The following MIGA2 variants were observed in gnomAD, a reference collection of about 807,000 sequenced individuals.
MIGA2 encodes family with sequence similarity 73, member B.
Under a neutral mutation model 69.9 loss-of-function variants are expected in MIGA2, and 36 were observed. That is an observed-to-expected ratio of 0.52 (90% confidence interval 0.39 to 0.68). MIGA2 has a LOEUF of 0.68. Ranked by LOEUF, MIGA2 falls within the 30% of genes least tolerant of loss-of-function variation. MIGA2 has a pLI of 0.00. For missense variants in MIGA2, 660 were observed against 787.7 expected (o/e 0.84, Z 1.94); for synonymous variants, 333 against 349.2 (o/e 0.95, Z 0.52).
chr9:129,055,446 C>T (rs191308322), intron 6 of MIGA2, among the ~76,000 whole-genome samples: 6 of 152,170 alleles, frequency 3.9e-5, no homozygotes, highest in Non-Finnish European at 5.9e-5. Flanking sequence ...GTATTTGTGA[C>T]GTATCTTTTT....
At chr9:129,041,644 C>T (rs114400768) in intron 2 of MIGA2, among the ~76,000 whole-genome samples, 218 of 152,324 alleles carry the variant, frequency 1.4e-3, no homozygotes, top group African/African-American at 5.0e-3. Flanking sequence ...CCTATATGAA[C>T]TCTTGACCTC....
chr9:129,057,635 C>T (rs989162450), intron 6 of MIGA2, among the ~76,000 whole-genome samples: 7 of 151,666 alleles, frequency 4.6e-5, no homozygotes, highest in African/African-American at 9.7e-5. Flanking sequence ...GACAGAGTCT[C>T]GCTCTGTCAC....
At chr9:129,054,639 T>G (rs1409472221) in intron 6 of MIGA2, among the ~76,000 whole-genome samples, 1 of 152,254 alleles carries the variant, frequency 6.6e-6, no homozygotes, top group Non-Finnish European at 1.5e-5. Context: ...GACTGCCTCC[T>G]TTCACATAGC....
At chr9:129,050,178 C>T (rs559049034) in intron 6 of MIGA2, among the ~76,000 whole-genome samples, 5 of 152,354 alleles carry the variant, frequency 3.3e-5, no homozygotes, top group East Asian at 3.9e-4. Flanking sequence ...GACTCACACC[C>T]GCCTCGACCC....
At chr9:129,042,050 G>T in intron 2 of MIGA2, 1 of 525,136 alleles carries the variant, frequency 1.9e-6, no homozygotes, top group Non-Finnish European at 3.6e-6. Context: ...GTGTGCTCAT[G>T]ACTGAGGGTG....
At chr9:129,045,677 G>A (rs1326391826) in intron 3 of MIGA2, among the ~76,000 whole-genome samples, 1 of 151,896 alleles carries the variant, frequency 6.6e-6, no homozygotes, top group Non-Finnish European at 1.5e-5. Context: ...AATTTGGGAG[G>A]CAGGAGGATT....
Position 129,068,334 on chromosome 9 carries a change from TG to T in MIGA2, c.1404+5del. The T allele has an allele frequency of 6.2e-7, 1 of 1,602,366 alleles. No individual in the cohort carries two copies. ...CTGTCAGACAGCTTCAAGGAGACGG[TG>T]GGTCACTGCCCTGCTCTCAGACCCA... On this transcript the variant is annotated splice_donor_region_variant and intron_variant, in intron 13 of 15. Coordinates refer to ENST00000684074, the MANE Select transcript of MIGA2 (RefSeq NM_001329990.2). This position sits in a 1 kb window ranked among gnomAD's most constrained non-coding sequence, Gnocchi z 4.1.
intron 1 of MIGA2, among the ~76,000 whole-genome samples, chr9:129,039,181 G>GTGTGTA (rs1210634941): frequency 7.1e-5 from 8 of 113,214 alleles, no homozygotes; most frequent in African/African-American, 3.2e-4. Context: ...TTGTTTGTGT[G>GTGTGTA]TGTGTGTGTG....
intron 2 of MIGA2, chr9:129,042,037 C>T (rs909734528): frequency 5.9e-5 from 29 of 493,972 alleles, no homozygotes; most frequent in African/African-American, 5.4e-4. Context: ...TTCACTGCGG[C>T]TTGTGTGCTC....
At position 129,061,202 on chromosome 9, in the gene MIGA2, C is replaced by G. The variant is rs770296291; in HGVS notation, c.895-29C>G. The G allele has an allele frequency of 3.8e-6, 6 of 1,587,812 alleles. No individual in the cohort carries two copies. The highest frequency in any genetic ancestry group is 3.4e-6 in the Non-Finnish European group (4 of 1,163,528). On this transcript the variant is annotated intron_variant, in intron 8 of 15. Coordinates refer to ENST00000684074, the MANE Select transcript of MIGA2 (RefSeq NM_001329990.2). This position sits in a 1 kb window ranked among gnomAD's most constrained non-coding sequence, Gnocchi z 5.0. ...TGGCGTGCTGCTCACATGGGCTTCC[C>G]TGGTCTCTTCCTCTGCACCCTCTCC... is the stretch of plus-strand genomic sequence containing the variant.
At chr9:129,044,919 G>A (rs1445679225) in intron 3 of MIGA2, among the ~76,000 whole-genome samples, 1 of 148,106 alleles carries the variant, frequency 6.8e-6, no homozygotes, top group Non-Finnish European at 1.5e-5. Flanking sequence ...CAAAAGTAAG[G>A]CCAGGCGCGG....
chr9:129,042,564 G>T (rs1315338293), intron 3 of MIGA2, 50 bp downstream of exon 3: 3 of 1,513,660 alleles, frequency 2.0e-6, no homozygotes, highest in Non-Finnish European at 2.7e-6. Flanking sequence ...ACATCCTGGG[G>T]TCATATCCCA....
intron 6 of MIGA2, among the ~76,000 whole-genome samples, chr9:129,052,903 G>T (rs2131365130): frequency 6.6e-6 from 1 of 152,310 alleles, no homozygotes; most frequent in Middle Eastern, 3.4e-3. Flanking sequence ...CTGCGAGTCG[G>T]CAGGGAACGG....
Position 129,061,328 on chromosome 9 carries a change from T to G in MIGA2, c.992T>G (p.Val331Gly). ...EALQLVKEGRVPCRTLRTELL... is the reference protein window; with the variant it reads ...EALQLVKEGRGPCRTLRTELL... Reference sequence around the variant, plus strand: ...CTGCAGCTGGTGAAGGAGGGGAGAGTGCCTTGCCGGACCCTCAGGTGAGCA... The same window carrying G: ...CTGCAGCTGGTGAAGGAGGGGAGAGGGCCTTGCCGGACCCTCAGGTGAGCA... The change falls in exon 9 of 16, where the codon GTG (valine) becomes GGG (glycine). Residue 331 changes from valine (V) to glycine (G), a missense_variant. Val to Gly is a moderately radical substitution (Grantham distance 109, BLOSUM62 -3). Coordinates refer to ENST00000684074, the MANE Select transcript of MIGA2 (RefSeq NM_001329990.2). This position sits in a 1 kb window ranked among gnomAD's most constrained non-coding sequence, Gnocchi z 5.0. The G allele has an allele frequency of 1.4e-6, 2 of 1,455,426 alleles. No individual in the cohort carries two copies. Among genetic ancestry groups the G allele is most frequent in the African/African-American group, 1.5e-5 (1 of 68,846 alleles). 90.2% of individuals were successfully genotyped at this position (1,455,426 alleles called of 1,614,324 possible). A position where few individuals can be genotyped will look rare whatever the true frequency, so the allele number is the denominator to read the frequency against.
At chr9:129,039,366 C>T (rs1844777542) in intron 1 of MIGA2, among the ~76,000 whole-genome samples, 1 of 151,852 alleles carries the variant, frequency 6.6e-6, no homozygotes, top group Admixed American at 6.6e-5. Context: ...CTGCCTCAGC[C>T]TTCCGCGTAG....
At chr9:129,047,742 A>G (rs374421492) in intron 3 of MIGA2, among the ~76,000 whole-genome samples, 10 of 151,662 alleles carry the variant, frequency 6.6e-5, no homozygotes, top group Admixed American at 3.3e-4. Context: ...ATATGTATAT[A>G]TATTTGAGAC....
chr9:129,046,964 T>C (rs4568698), intron 3 of MIGA2: 22,873 of 150,408 alleles, frequency 0.15, 3,140 homozygotes, highest in African/African-American at 0.35. Flanking sequence ...TTTTTAGTAG[T>C]GACGGGGTTT....
At chr9:129,050,077 C>T (rs2089282891) in intron 6 of MIGA2, 114 bp downstream of exon 6, 1 of 1,372,334 alleles carries the variant, frequency 7.3e-7, no homozygotes, top group Non-Finnish European at 9.9e-7. Context: ...CTGCTGATTT[C>T]CCTCTATGAG....
At chr9:129,053,349 TTC>T (rs1845642913) in intron 6 of MIGA2, among the ~76,000 whole-genome samples, 1 of 152,148 alleles carries the variant, frequency 6.6e-6, no homozygotes, top group African/African-American at 2.4e-5. Context: ...AGGCATTTTT[TTC>T]TGTCTATTGC....
Sources: gnomAD v4.1 joint callset for allele counts (sites outside exome capture counted in the v4.1 genomes callset) on GRCh38, gnomAD v4.1.1 for gene constraint, Gnocchi (gnomAD v3.1) non-coding constraint, MANE v1.5 for transcripts, NCBI Gene and HGNC (gene_info 2026-07-23, HGNC 2026-07-21) for gene names.